Variants in GRIA3 observed in about 807,000 individuals in gnomAD.
GRIA3 encodes glutamate ionotropic receptor AMPA type subunit 3.
A neutral mutation model predicts 63.0 loss-of-function variants in GRIA3; 3 were observed. The observed-to-expected ratio is 0.05, with a 90% confidence interval of 0.02 to 0.12. GRIA3 has a LOEUF of 0.12. Among genes scored for constraint, GRIA3 ranks in the 10% least tolerant of loss-of-function variants. GRIA3 has a pLI of 1.00. For synonymous variants in GRIA3, 274 were observed against 257.9 expected, an observed-to-expected ratio of 1.06 and a Z score of -0.60; for missense variants, 347 against 700.9, an observed-to-expected ratio of 0.50 and a Z score of 5.70.
intron 4 of GRIA3, among the ~76,000 whole-genome samples, chrX:123,352,810 C>A (rs1214109715): frequency 1.8e-5 from 2 of 111,064 alleles, no homozygotes; most frequent in Non-Finnish European, 1.9e-5. Context: ...TAACAAATGT[C>A]ACCGGCAAGG....
intron 5 of GRIA3, among the ~76,000 whole-genome samples, chrX:123,388,332 G>C (rs1390827679): frequency 9.0e-6 from 1 of 111,321 alleles, no homozygotes; most frequent in Non-Finnish European, 1.9e-5. Context: ...TGCAACCTCT[G>C]TTTCCTGGGT....
intron 4 of GRIA3, among the ~76,000 whole-genome samples, chrX:123,337,902 C>T (rs1486236467): frequency 8.9e-6 from 1 of 112,112 alleles, no homozygotes. Flanking sequence ...TGACAGAATA[C>T]TTTGTTGCTG....
chrX:123,188,803 G>A (rs748124846), intron 2 of GRIA3, among the ~76,000 whole-genome samples: 2 of 111,898 alleles, frequency 1.8e-5, no homozygotes, highest in Admixed American at 9.4e-5. Context: ...ACACTTTCTA[G>A]GGTGTAGGTG....
chrX:123,319,294 A>G (rs949736048), intron 3 of GRIA3, among the ~76,000 whole-genome samples: 3 of 112,088 alleles, frequency 2.7e-5, no homozygotes, highest in Non-Finnish European at 3.8e-5. Context: ...AGGCTATTCC[A>G]TGTAGGTTTG....
chrX:123,246,784 T>A (rs976880564), intron 2 of GRIA3, among the ~76,000 whole-genome samples: 1 of 108,131 alleles, frequency 9.2e-6, no homozygotes, highest in Admixed American at 1.0e-4. Flanking sequence ...GTGATAGACA[T>A]CATCATCATT....
chrX:123,252,369 C>T (rs781613050), intron 2 of GRIA3, among the ~76,000 whole-genome samples: 2 of 112,553 alleles, frequency 1.8e-5, no homozygotes, highest in Admixed American at 9.4e-5. Flanking sequence ...ATGTCTGCTT[C>T]GCATGAATGG....
rs1460875642 is a variant in GRIA3 at position 123,380,712 on chromosome X, T to C, written c.751-14256T>C. On this transcript the variant is annotated intron_variant, in intron 5 of 15. Transcript: ENST00000620443. ...TGCTTTTGGTGTTTTAGACATGAAG[T>C]CCTTGCCCATGCCTATGTCCTGAAT... 2.7e-5 allele frequency among the ~76,000 whole-genome samples: 3 copies of C among 112,165 alleles called. No individual in the cohort carries two copies. In the Admixed American group the frequency reaches 2.8e-4, roughly 11 times the overall value.
At chrX:123,388,585 T>C (rs2045366720) in intron 5 of GRIA3, among the ~76,000 whole-genome samples, 1 of 112,355 alleles carries the variant, frequency 8.9e-6, no homozygotes, top group South Asian at 3.7e-4. Context: ...TAATGTCTCC[T>C]TTCTTATTTC....
intron 13 of GRIA3, among the ~76,000 whole-genome samples, chrX:123,473,774 C>T (rs759229343): frequency 2.9e-4 from 32 of 111,946 alleles, no homozygotes; most frequent in Non-Finnish European, 3.6e-4. Context: ...TGATAAGTTT[C>T]CATTCTCGTC....
rs1307489091 is a variant in GRIA3 at position 123,474,735 on chromosome X, G to GA, written c.2325-5319dup. On this transcript the variant is annotated intron_variant, in intron 13 of 15. Coordinates refer to ENST00000620443, the MANE Select transcript of GRIA3 (RefSeq NM_007325.5). ...AAAAAAATAAGTTTCTACTTTCACA[G>GA]AAAAAAAAATCAATGGCATTCTTAT... Among the ~76,000 whole-genome samples, 20 of 109,243 alleles carry GA rather than the reference G, an allele frequency of 1.8e-4. No homozygotes were observed. The South Asian group carries it at 3.2e-3, about 17-fold the overall frequency. The allele number at this position is 109,243 out of a possible 115,157, so 94.9% of individuals were successfully genotyped here.
intron 15 of GRIA3, among the ~76,000 whole-genome samples, chrX:123,487,572 G>A (rs1438450303): frequency 8.9e-6 from 1 of 112,013 alleles, no homozygotes; most frequent in African/African-American, 3.2e-5. Flanking sequence ...TCTCCCAAGG[G>A]ACTTTTACAT....
chrX:123,263,830 A>T (rs1724490812), intron 3 of GRIA3, among the ~76,000 whole-genome samples: 1 of 112,520 alleles, frequency 8.9e-6, no homozygotes, highest in Admixed American at 9.4e-5. Context: ...GACTGTGTAT[A>T]TGCTTTTGCA....
intron 2 of GRIA3, among the ~76,000 whole-genome samples, chrX:123,234,654 T>C (rs4825844): frequency 0.44 from 48,661 of 110,628 alleles, 9,278 homozygotes; most frequent in East Asian, 0.73. Flanking sequence ...GATCAGACCA[T>C]TTCAGGGGAG....
At chrX:123,393,707 A>G (rs1247468088) in intron 5 of GRIA3, among the ~76,000 whole-genome samples, 2 of 112,079 alleles carry the variant, frequency 1.8e-5, no homozygotes, top group Non-Finnish European at 3.8e-5. Context: ...GAGTGTGACT[A>G]TGTGGGTATT....
At chrX:123,268,729 T>C (rs1016588850) in intron 3 of GRIA3, among the ~76,000 whole-genome samples, 1 of 111,013 alleles carries the variant, frequency 9.0e-6, no homozygotes, top group Non-Finnish European at 1.9e-5. Context: ...AGTTGGTGAG[T>C]CTCCTAATCT....
intron 2 of GRIA3, among the ~76,000 whole-genome samples, chrX:123,222,941 T>G (rs2044226606): frequency 8.9e-6 from 1 of 112,308 alleles, no homozygotes; most frequent in Non-Finnish European, 1.9e-5. Context: ...GACTTAAAAC[T>G]TTGTGTACTC....
rs776057297 is a variant in GRIA3 at position 123,308,847 on chromosome X, C to A, written c.509-17179C>A. Among the ~76,000 whole-genome samples the A allele has an allele frequency of 2.4e-4, 27 of 112,508 alleles. No individual in the cohort carries two copies. In the South Asian group the frequency reaches 9.6e-3, roughly 40 times the overall value. On this transcript the variant is annotated intron_variant, in intron 3 of 15. Transcript: ENST00000620443. ...GGAAGCAGCTACATCATCCAAGCCA[C>A]AATCCATTTATTTCATGCTAAGAAA... is the stretch of plus-strand genomic sequence containing the variant.
At chrX:123,404,016 C>T (rs1036725469) in intron 9 of GRIA3, among the ~76,000 whole-genome samples, 4 of 111,893 alleles carry the variant, frequency 3.6e-5, no homozygotes, top group Admixed American at 9.5e-5. Context: ...GTTCACTACA[C>T]GAAGAAGTTT....
intron 3 of GRIA3, among the ~76,000 whole-genome samples, chrX:123,287,579 A>T (rs1423211100): frequency 2.7e-5 from 3 of 112,145 alleles, no homozygotes; most frequent in Non-Finnish European, 5.6e-5. Context: ...TCAGGATACA[A>T]AATCAATGTG....
Sources: gnomAD v4.1 joint callset for allele counts (sites outside exome capture counted in the v4.1 genomes callset) on GRCh38, gnomAD v4.1.1 for gene constraint, MANE v1.5 for transcripts, NCBI Gene and HGNC (gene_info 2026-07-23, HGNC 2026-07-21) for gene names.